ARMC6: variants seen among roughly 807,000 people sequenced by gnomAD.
ARMC6 encodes the protein armadillo repeat containing 6.
In ARMC6, 43 loss-of-function variants were observed where a neutral mutation model predicts 49.2. That is an observed-to-expected ratio of 0.87 (90% CI 0.69 to 1.13). The LOEUF is 1.13. ARMC6 is among the 50% of genes most tolerant of loss of function. The probability of loss-of-function intolerance (pLI) is 0.00; values close to 1 mark genes in which losing one functional copy is unlikely to be tolerated. For missense variants in ARMC6, 627 were observed against 682.0 expected (o/e 0.92, Z 0.90); for synonymous variants, 262 against 289.6 (o/e 0.90, Z 0.97).
chr19:19,039,107 C>A (rs922674675), intron 2 of ARMC6, among the ~76,000 whole-genome samples: 1 of 148,116 alleles, frequency 6.8e-6, no homozygotes, highest in East Asian at 2.0e-4. Flanking sequence ...AATTTACATA[C>A]CATAATATTC....
intron 2 of ARMC6, chr19:19,039,478 C>T: frequency 5.3e-6 from 2 of 377,616 alleles, no homozygotes; most frequent in Admixed American, 6.2e-5. Flanking sequence ...GTACAACCAT[C>T]ATCACTATAA....
In ARMC6 at chr19:19,037,641, A is replaced by G. The variant is rs1481736293; in HGVS notation, c.29+3403A>G. Reference sequence around the variant, plus strand: ...TCGGCCTCCCAAAGTGCAGGCCACCATGCCTGGCCTGAAGTGGAAACTTGA... The same window carrying G: ...TCGGCCTCCCAAAGTGCAGGCCACCGTGCCTGGCCTGAAGTGGAAACTTGA... On this transcript the variant is annotated intron_variant, in intron 2 of 8. Transcript: ENST00000535612. 3.3e-6 allele frequency: 4 copies of G among 1,216,724 alleles called. No homozygotes were observed. In the South Asian group the frequency reaches 4.2e-5, roughly 13 times the overall value. 75.4% of individuals were successfully genotyped at this position (1,216,724 alleles called of 1,614,324 possible).
chr19:19,034,335 A>C (rs2059319469), intron 2 of ARMC6, 97 bp downstream of exon 2: 10 of 1,416,078 alleles, frequency 7.1e-6, no homozygotes, highest in Non-Finnish European at 9.6e-6. Context: ...GAGTGCTGGG[A>C]AGGATGAGAA....
Position 19,052,003 on chromosome 19 carries a change from G to C in ARMC6, c.661G>C (p.Val221Leu), listed in dbSNP as rs34897775. 1.2e-6 allele frequency: 2 copies of C among 1,614,072 alleles called. No homozygotes were observed. The highest frequency in any genetic ancestry group is 1.7e-5 in the Admixed American group (1 of 60,028). ...TCGGCAAGACCTGGTGAAAGCTGGCGTGCTGCCTCTGCTGACTGGTGCCAT... is the reference window on the plus strand; with the variant it reads ...TCGGCAAGACCTGGTGAAAGCTGGCCTGCTGCCTCTGCTGACTGGTGCCAT... Reference protein sequence around the residue: ...QNRQDLVKAGVLPLLTGAITH... With the variant: ...QNRQDLVKAGLLPLLTGAITH... The change falls in exon 5 of 9, where the codon GTG becomes CTG. Residue 221 changes from valine (V) to leucine (L), a missense_variant. By Grantham distance (32) the Val-to-Leu change is conservative. Transcript: ENST00000535612.
At chr19:19,051,367 CTCTCTCTCT>C (rs2059493525) in intron 4 of ARMC6, among the ~76,000 whole-genome samples, 1 of 132,164 alleles carries the variant, frequency 7.6e-6, no homozygotes, top group African/African-American at 3.3e-5. Context: ...GGATCTCTCT[CTCTCTCTCT>C]GTGTGTGTGT....
At position 19,055,813 on chromosome 19, in the gene ARMC6, C is replaced by T. The variant is rs1422803638; in HGVS notation, c.1178C>T (p.Ala393Val). 6.3e-7 allele frequency: 1 copy of T among 1,599,038 alleles called. No homozygotes were observed. The stretch of plus-strand genomic sequence containing the variant: ...CAGGTGTGTGAGCAGAGCTGCGCGG[C>T]CCTGTGCTTCCTGGCCCTGCGTAAG... Reference protein sequence around the residue: ...SPQVCEQSCAALCFLALRKPD... With the variant: ...SPQVCEQSCAVLCFLALRKPD... Residue 393 changes from alanine (A) to valine (V), a missense_variant, in exon 8 of 9, where the codon GCC (alanine) becomes GTC (valine). By Grantham distance (64) the Ala-to-Val change is moderately conservative (BLOSUM62 0). Coordinates refer to ENST00000535612, the MANE Select transcript of ARMC6 (RefSeq NM_001199196.2). The surrounding 1 kb of genome is among the most constrained non-coding windows in gnomAD (Gnocchi z 5.7).
chr19:19,057,468 C>G lies in ARMC6; in HGVS notation c.1346C>G (p.Ser449Trp), dbSNP rs752023117. 1.5e-5 allele frequency: 24 copies of G among 1,613,938 alleles called. No individual in the cohort carries two copies. The South Asian group carries it at 2.2e-4, about 15-fold the overall frequency. Residue 449 changes from serine (S) to tryptophan (W), a missense_variant, in exon 9 of 9, where the codon TCG becomes TGG. By Grantham distance (177) the Ser-to-Trp change is radical. Coordinates refer to ENST00000535612, the MANE Select transcript of ARMC6 (RefSeq NM_001199196.2). ...CTGGTGGCCCACGGCCAGGCCTTCT[C>G]GAAGCCCATCCTGGACCTGGGGGCT... ...RNLVAHGQAF[S>W]KPILDLGAEA...
chr19:19,034,861 G>A (rs1486435831), intron 2 of ARMC6, among the ~76,000 whole-genome samples: 1 of 149,936 alleles, frequency 6.7e-6, no homozygotes, highest in Non-Finnish European at 1.5e-5. Flanking sequence ...TATCTTGCCT[G>A]GCCTTTTTTT....
chr19:19,045,033 C>CA (rs2059438000), intron 4 of ARMC6, among the ~76,000 whole-genome samples: 2 of 152,092 alleles, frequency 1.3e-5, no homozygotes, highest in African/African-American at 4.8e-5. Flanking sequence ...TCTATTGAGA[C>CA]AGAGTCTCAC....
intron 3 of ARMC6, 28 bp downstream of exon 3, chr19:19,042,905 T>C (rs1380411500): frequency 6.2e-7 from 1 of 1,611,560 alleles, no homozygotes; most frequent in Non-Finnish European, 8.5e-7. Context: ...TCACCTACCA[T>C]CCTTGGCTCT....
chr19:19,046,270 C>T (rs1240867421), intron 4 of ARMC6, among the ~76,000 whole-genome samples: 1 of 152,060 alleles, frequency 6.6e-6, no homozygotes, highest in Non-Finnish European at 1.5e-5. Context: ...GATCTTGGCT[C>T]ACTGCAAGCT....
chr19:19,038,900 C>T (rs1451443799), intron 2 of ARMC6, among the ~76,000 whole-genome samples: 1 of 105,456 alleles, frequency 9.5e-6, no homozygotes, highest in Non-Finnish European at 2.0e-5. Flanking sequence ...TGTGTGTATA[C>T]ACACACACAC....
At position 19,055,259 on chromosome 19, in the gene ARMC6, G is replaced by A; in HGVS notation, c.1024-6G>A. On this transcript the variant is annotated splice_region_variant and splice_polypyrimidine_tract_variant and intron_variant, in intron 6 of 8. Transcript: ENST00000535612. The surrounding 1 kb of genome is among the most constrained non-coding windows in gnomAD (Gnocchi z 5.7). Reference sequence around the variant, plus strand: ...CTGGAGGTGAGCGGGCCTTTCCCTTGTGCAGGAGCTCGTGAAGCAAGTGCT... The same window carrying A: ...CTGGAGGTGAGCGGGCCTTTCCCTTATGCAGGAGCTCGTGAAGCAAGTGCT... 1 of 1,591,780 alleles carries A rather than the reference G, an allele frequency of 6.3e-7. No homozygotes were observed. Among genetic ancestry groups the A allele is most frequent in the Non-Finnish European group, 8.6e-7 (1 of 1,168,900 alleles).
In ARMC6 at chr19:19,034,156, G is replaced by C. The variant is rs374896558; in HGVS notation, c.-54G>C. The C allele has an allele frequency of 7.6e-7, 1 of 1,309,414 alleles. No homozygotes were observed. Among genetic ancestry groups the C allele is most frequent in the South Asian group, 1.2e-5 (1 of 82,830 alleles). The allele number at this position is 1,309,414 out of a possible 1,614,324, so 81.1% of individuals were successfully genotyped here. Reference sequence around the variant, plus strand: ...CACCTGTGCACTGAGTGCCTGCTGCGTGTCGGGCCCCGTCCTAGGCAGTGG... The same window carrying C: ...CACCTGTGCACTGAGTGCCTGCTGCCTGTCGGGCCCCGTCCTAGGCAGTGG... On this transcript the variant is annotated 5_prime_UTR_variant, in exon 2 of 9. Coordinates refer to ENST00000535612, the MANE Select transcript of ARMC6 (RefSeq NM_001199196.2).
intron 6 of ARMC6, 111 bp downstream of exon 6, chr19:19,054,432 A>G (rs879085211): frequency 2.5e-6 from 3 of 1,217,404 alleles, no homozygotes; most frequent in South Asian, 4.0e-5. Context: ...ACCAAAGTGC[A>G]GTTTTTCTTT....
rs541647037 is a variant in ARMC6 at position 19,037,800 on chromosome 19, C to T, written c.29+3562C>T. 124 of 642,740 alleles carry T rather than the reference C, an allele frequency of 1.9e-4. No homozygotes were observed. The South Asian group carries it at 2.1e-3, about 11-fold the overall frequency. The allele number at this position is 642,740 out of a possible 1,614,324, so 39.8% of individuals were successfully genotyped here. On this transcript the variant is annotated intron_variant, in intron 2 of 8. Transcript: ENST00000535612. ...TGTTCCTCCTTTTGTTCCAAAGGGACGGTGGCAAATGTTAGGTTCACTCGT... is the reference window on the plus strand; with the variant it reads ...TGTTCCTCCTTTTGTTCCAAAGGGATGGTGGCAAATGTTAGGTTCACTCGT...
At chr19:19,044,949 G>A (rs528681051) in intron 4 of ARMC6, among the ~76,000 whole-genome samples, 4 of 152,218 alleles carry the variant, frequency 2.6e-5, no homozygotes, top group South Asian at 4.1e-4. Context: ...AAATTGCCTC[G>A]TTGTTGTTAG....
rs752862271 is a variant in ARMC6, at chr19:19,051,677, C to T, written c.335C>T (p.Ala112Val). Residue 112 changes from alanine to valine, a missense_variant, in exon 5 of 9, where the codon GCA becomes GTA. Physicochemically the swap from Ala to Val is moderately conservative, Grantham distance 64. Coordinates refer to ENST00000535612, the MANE Select transcript of ARMC6 (RefSeq NM_001199196.2). ...VASSRPQEVS[A>V]YLTRFCDQCK... ...AGCTCTCGCCCCCAGGAGGTGTCAG[C>T]ATACCTCACCCGCTTCTGCGACCAG... 2 of 1,613,516 alleles carry T rather than the reference C, an allele frequency of 1.2e-6. No individual in the cohort carries two copies. The highest frequency in any genetic ancestry group is 1.7e-6 in the Non-Finnish European group (2 of 1,179,810).
Position 19,055,792 on chromosome 19 carries a change from T to G in ARMC6, c.1157T>G (p.Val386Gly). Reference sequence around the variant, plus strand: ...CCTTTCTGTGACTGGCCCCTGCAGGTGTGTGAGCAGAGCTGCGCGGCCCTG... The same window carrying G: ...CCTTTCTGTGACTGGCCCCTGCAGGGGTGTGAGCAGAGCTGCGCGGCCCTG... ...AMTQHLTSPQ[V>G]CEQSCAALCF... is the part of the protein sequence containing the mutation. Residue 386 changes from valine to glycine, a missense_variant and splice_region_variant, in exon 8 of 9, where the codon GTG (valine) becomes GGG (glycine). By Grantham distance (109) the Val-to-Gly change is moderately radical. Coordinates refer to ENST00000535612, the MANE Select transcript of ARMC6 (RefSeq NM_001199196.2). This position sits in a 1 kb window ranked among gnomAD's most constrained non-coding sequence, Gnocchi z 5.7. The G allele has an allele frequency of 6.4e-7, 1 of 1,565,132 alleles. No homozygotes were observed.
Sources: gnomAD v4.1 joint callset for allele counts (sites outside exome capture counted in the v4.1 genomes callset) on GRCh38, gnomAD v4.1.1 for gene constraint, Gnocchi (gnomAD v3.1) non-coding constraint, MANE v1.5 for transcripts, NCBI Gene and HGNC (gene_info 2026-07-23, HGNC 2026-07-21) for gene names.